PTPRK: variants seen among roughly 807,000 people sequenced by gnomAD.
PTPRK encodes the protein protein tyrosine phosphatase receptor type K.
PTPRK carries 75 observed loss-of-function variants against 178.0 expected under a neutral mutation model. The ratio of observed to expected loss-of-function variants is 0.42; its 90% CI spans 0.35 to 0.51. The LOEUF is 0.51. PTPRK is among the 20% of genes least tolerant of loss of function. PTPRK has a pLI of 0.02. For synonymous variants in PTPRK, 637 were observed against 620.6 expected (o/e 1.03, Z -0.39); for missense variants, 1,441 against 1,797.8 (o/e 0.80, Z 3.59).
intron 6 of PTPRK, among the ~76,000 whole-genome samples, chr6:128,202,555 G>A (rs541838112): frequency 2.6e-5 from 4 of 152,240 alleles, no homozygotes; most frequent in African/African-American, 4.8e-5. Context: ...GCCCCACTTC[G>A]AGGGCACTTC....
At chr6:128,423,302 C>A (rs1338158798) in intron 1 of PTPRK, among the ~76,000 whole-genome samples, 4 of 152,104 alleles carry the variant, frequency 2.6e-5, no homozygotes, top group Non-Finnish European at 5.9e-5. Context: ...GGTATACAAA[C>A]AACATATATG....
intron 6 of PTPRK, among the ~76,000 whole-genome samples, chr6:128,193,987 G>T (rs1804369894): frequency 6.6e-6 from 1 of 150,890 alleles, no homozygotes; most frequent in African/African-American, 2.4e-5. Flanking sequence ...GTCTCATTTT[G>T]TCCAAAACTA....
intron 1 of PTPRK, among the ~76,000 whole-genome samples, chr6:128,464,616 T>TATACATATATATATATATACAC (rs1849510266): frequency 1.1e-5 from 1 of 94,496 alleles, no homozygotes; most frequent in Admixed American, 1.3e-4. Context: ...TATATATACA[T>TATACATATATATATATATACAC]ATACATATAT....
At chr6:128,430,694 T>C (rs900627132) in intron 1 of PTPRK, among the ~76,000 whole-genome samples, 5 of 152,060 alleles carry the variant, frequency 3.3e-5, no homozygotes, top group African/African-American at 9.7e-5. Context: ...AGGTTTGACG[T>C]TGAAATATAA....
intron 7 of PTPRK, among the ~76,000 whole-genome samples, chr6:128,098,440 T>C (rs1488689069): frequency 6.6e-6 from 1 of 152,100 alleles, no homozygotes; most frequent in Non-Finnish European, 1.5e-5. Flanking sequence ...ATACCTCTTC[T>C]AGAATATGAG....
chr6:128,294,096 A>T (rs1048665701), intron 3 of PTPRK, among the ~76,000 whole-genome samples: 1 of 152,144 alleles, frequency 6.6e-6, no homozygotes, highest in Non-Finnish European at 1.5e-5. Context: ...GACAATTAAA[A>T]ATGTTTATGT....
intron 15 of PTPRK, among the ~76,000 whole-genome samples, chr6:128,004,178 C>A (rs545895661): frequency 6.6e-6 from 1 of 151,800 alleles, no homozygotes; most frequent in African/African-American, 2.4e-5. Context: ...TCTCTGCGAT[C>A]TGAGCCAAAT....
At chr6:128,428,713 C>T (rs918814476) in intron 1 of PTPRK, among the ~76,000 whole-genome samples, 9 of 152,148 alleles carry the variant, frequency 5.9e-5, no homozygotes, top group Middle Eastern at 3.2e-3. Context: ...ACTAAAGTAC[C>T]GATGGGGTCC....
At chr6:128,043,643 C>T (rs1180330334) in intron 13 of PTPRK, among the ~76,000 whole-genome samples, 2 of 150,366 alleles carry the variant, frequency 1.3e-5, no homozygotes, top group African/African-American at 4.9e-5. Context: ...CTTGAAGGGG[C>T]AAAAAAAAAA....
At chr6:128,341,731 CA>C (rs1382829412) in intron 2 of PTPRK, among the ~76,000 whole-genome samples, 3 of 152,140 alleles carry the variant, frequency 2.0e-5, no homozygotes, top group African/African-American at 7.2e-5. Flanking sequence ...GATTCCTTTT[CA>C]AGTTGATTAC....
chr6:128,157,780 T>C (rs1798141726), intron 7 of PTPRK, among the ~76,000 whole-genome samples: 1 of 152,004 alleles, frequency 6.6e-6, no homozygotes, highest in African/African-American at 2.4e-5. Context: ...CACTTTTTGA[T>C]GGGGTTGATT....
chr6:128,387,722 A>T (rs1584480082), intron 2 of PTPRK, among the ~76,000 whole-genome samples: 1 of 152,238 alleles, frequency 6.6e-6, no homozygotes, highest in East Asian at 1.9e-4. Flanking sequence ...AACAAGAGAC[A>T]ATGAAAAATT....
At chr6:128,005,467 CT>C (rs1227427794) in intron 14 of PTPRK, among the ~76,000 whole-genome samples, 1 of 151,438 alleles carries the variant, frequency 6.6e-6, no homozygotes, top group Admixed American at 6.6e-5. Flanking sequence ...AATATTCAAG[CT>C]GTCAATCCAA....
intron 2 of PTPRK, among the ~76,000 whole-genome samples, chr6:128,328,233 G>A (rs117350480): frequency 2.0e-5 from 3 of 152,266 alleles, no homozygotes; most frequent in South Asian, 2.1e-4. Context: ...AAGCAGAACC[G>A]CTTAAAGGGT....
intron 1 of PTPRK, among the ~76,000 whole-genome samples, chr6:128,406,413 G>A (rs1170779818): frequency 6.6e-6 from 1 of 152,072 alleles, no homozygotes; most frequent in African/African-American, 2.4e-5. Flanking sequence ...CAATTCTTAA[G>A]ACTAAAGAAT....
intron 5 of PTPRK, among the ~76,000 whole-genome samples, chr6:128,236,349 T>C (rs1190487662): frequency 2.1e-5 from 3 of 144,174 alleles, no homozygotes; most frequent in South Asian, 2.3e-4. Flanking sequence ...ATTTCTTTTT[T>C]TTTTTTTTTT....
intron 7 of PTPRK, among the ~76,000 whole-genome samples, chr6:128,180,155 GA>G (rs981598108): frequency 9.2e-5 from 14 of 152,132 alleles, no homozygotes; most frequent in African/African-American, 3.4e-4. Flanking sequence ...CAATTTAAAA[GA>G]GCAATTTTAA....
Position 128,009,067 on chromosome 6 carries a change from C to G in PTPRK, c.2333+63G>C, listed in dbSNP as rs969834353. The G allele has an allele frequency of 4.9e-6, 7 of 1,430,516 alleles. No homozygotes were observed. The African/African-American group carries it at 1.0e-4, about 21-fold the overall frequency. 88.6% of individuals were successfully genotyped at this position (1,430,516 alleles called of 1,614,324 possible). A position where few individuals can be genotyped will look rare whatever the true frequency, so the allele number is the denominator to read the frequency against. On this transcript the variant is annotated intron_variant, in intron 14 of 29. Transcript: ENST00000368226. Reference sequence around the variant, plus strand: ...CTAATTTAAAGGATCTTGAGAAAAACAGGTTTTTAAAACCAGTGACATAAA... The same window carrying G: ...CTAATTTAAAGGATCTTGAGAAAAAGAGGTTTTTAAAACCAGTGACATAAA...
rs567581341 is a variant in PTPRK, at chr6:128,056,731, T to C, written c.2194+8027A>G. On this transcript the variant is annotated intron_variant, in intron 13 of 29. Coordinates refer to ENST00000368226, the MANE Select transcript of PTPRK (RefSeq NM_002844.4). The stretch of plus-strand genomic sequence containing the variant: ...GAGCCACGGCGCCTGGCTAGAAATA[T>C]GCTTTTAAATACCTGTTCTCCCTTT... 8.8e-4 allele frequency among the ~76,000 whole-genome samples: 134 copies of C among 152,164 alleles called. 1 individual carries two copies. Among genetic ancestry groups the C allele is most frequent in the African/African-American group, 2.9e-3 (122 of 41,484 alleles).
Sources: gnomAD v4.1 joint callset for allele counts (sites outside exome capture counted in the v4.1 genomes callset) on GRCh38, gnomAD v4.1.1 for gene constraint, MANE v1.5 for transcripts, NCBI Gene and HGNC (gene_info 2026-07-23, HGNC 2026-07-21) for gene names.